Variants in ACACB observed in about 807,000 individuals in gnomAD.
ACACB encodes the protein acetyl-CoA carboxylase beta.
In ACACB, 209 loss-of-function variants were observed where a neutral mutation model predicts 278.8. The observed-to-expected ratio is 0.75, with a 90% CI of 0.67 to 0.84. ACACB has a LOEUF of 0.84. Among genes scored for constraint, ACACB ranks in the 40% least tolerant of loss-of-function variants. The pLI is 0.00. For synonymous variants in ACACB, 1,174 were observed against 1,285.6 expected (o/e 0.91, Z 1.86); for missense variants, 2,850 against 3,269.0 (o/e 0.87, Z 3.13).
chr12:109,206,237 C>A (rs2045503937), intron 19 of ACACB, among the ~76,000 whole-genome samples: 1 of 151,984 alleles, frequency 6.6e-6, no homozygotes, highest in African/African-American at 2.4e-5. Flanking sequence ...AGATCAAGAC[C>A]ATCCTGGCCA....
intron 13 of ACACB, 51 bp downstream of exon 13, chr12:109,188,213 C>G: frequency 2.8e-6 from 4 of 1,415,278 alleles, no homozygotes; most frequent in Non-Finnish European, 3.9e-6. Context: ...TTCCTTCCTT[C>G]CTTCCTTCCT....
At chr12:109,168,225 A>C (rs1487842895) in intron 4 of ACACB, among the ~76,000 whole-genome samples, 191 bp downstream of exon 4, 1 of 152,226 alleles carries the variant, frequency 6.6e-6, no homozygotes, top group East Asian at 1.9e-4. Context: ...CATGTGCCTT[A>C]CAAAAATGCA....
rs1412786797 is a variant in ACACB, at chr12:109,242,555, C to T, written c.5141C>T (p.Thr1714Ile). ...AKRFQAQTLG[T>I]TYIYDFPEMF... ...CGATTCCAGGCCCAGACCCTGGGAA[C>T]CACCTACATCTATGACTTCCCGGAA... Residue 1714 changes from threonine (T) to isoleucine (I), a missense_variant, in exon 37 of 53, where the codon ACC (threonine) becomes ATC (isoleucine). Around this residue, in one of 3 missense-constraint regions of ACACB, gnomAD observed 2,265 missense variants for 2,561.3 expected, o/e 0.88. Coordinates refer to ENST00000338432, the MANE Select transcript of ACACB (RefSeq NM_001093.4). 1 of 1,614,042 alleles carries T rather than the reference C, an allele frequency of 6.2e-7. No individual in the cohort carries two copies. The highest frequency in any genetic ancestry group is 2.2e-5 in the East Asian group (1 of 44,896).
rs372053398 is a variant in ACACB, at chr12:109,221,894, T to TTTG, written c.3565-613_3565-612insTTG. Among the ~76,000 whole-genome samples the TTTG allele has an allele frequency of 5.8e-4, 75 of 128,298 alleles. 2 individuals carry two copies. The highest frequency in any genetic ancestry group is 1.8e-3 in the African/African-American group (57 of 31,998). The allele number at this position is 128,298 out of a possible 152,430, so 84.2% of individuals were successfully genotyped here. A position where few individuals can be genotyped will look rare whatever the true frequency, so the allele number is the denominator to read the frequency against. On this transcript the variant is annotated intron_variant, in intron 24 of 52. Coordinates refer to ENST00000338432, the MANE Select transcript of ACACB (RefSeq NM_001093.4). The stretch of plus-strand genomic sequence containing the variant: ...AATCACTGACCTTTTTTTTTTTTTT[T>TTTG]GGGGGGGAGACAGAGTCTGGCTCTG...
intron 39 of ACACB, among the ~76,000 whole-genome samples, chr12:109,247,040 C>G (rs773013874): frequency 2.0e-5 from 3 of 152,060 alleles, no homozygotes; most frequent in Non-Finnish European, 4.4e-5. Context: ...GATCATCATA[C>G]CACTGCACTC....
chr12:109,200,927 C>T (rs891921101), intron 18 of ACACB, among the ~76,000 whole-genome samples: 1 of 152,166 alleles, frequency 6.6e-6, no homozygotes, highest in African/African-American at 2.4e-5. Context: ...AGGAGGGGAG[C>T]CACTTCTGAA....
At chr12:109,144,021 A>T (rs887492578) in intron 2 of ACACB, among the ~76,000 whole-genome samples, 16 of 152,046 alleles carry the variant, frequency 1.1e-4, no homozygotes, top group African/African-American at 3.9e-4. Context: ...AAAAATAAAA[A>T]ATAAAATGAG....
intron 1 of ACACB, among the ~76,000 whole-genome samples, chr12:109,124,763 A>G (rs2042636928): frequency 6.6e-6 from 1 of 152,132 alleles, no homozygotes. Flanking sequence ...CATCCAGGCT[A>G]GAGTGCAGTG....
intron 1 of ACACB, among the ~76,000 whole-genome samples, chr12:109,136,088 G>C (rs1161533597): frequency 6.6e-6 from 1 of 152,180 alleles, no homozygotes; most frequent in African/African-American, 2.4e-5. Flanking sequence ...TGGGATTACA[G>C]GCATGAGCCA....
chr12:109,191,914 G>C lies in ACACB; in HGVS notation c.2363G>C (p.Arg788Thr). ...TTGAACGTGGCCGATGCGATGTTCA[G>C]AACGTGCATGACAGATTTCTTACAC... Reference protein sequence around the residue: ...GALNVADAMFRTCMTDFLHSL... With the variant: ...GALNVADAMFTTCMTDFLHSL... Residue 788 changes from arginine to threonine, a missense_variant, in exon 15 of 53, where the codon AGA becomes ACA. Arg to Thr is a moderately conservative substitution (Grantham distance 71). Coordinates refer to ENST00000338432, the MANE Select transcript of ACACB (RefSeq NM_001093.4). The C allele has an allele frequency of 6.2e-7, 1 of 1,614,196 alleles. No individual in the cohort carries two copies. Among genetic ancestry groups the C allele is most frequent in the Non-Finnish European group, 8.5e-7 (1 of 1,180,038 alleles).
intron 1 of ACACB, among the ~76,000 whole-genome samples, chr12:109,133,863 ATTTT>A (rs67896522): frequency 8.9e-4 from 63 of 70,414 alleles, no homozygotes; most frequent in South Asian, 1.8e-3. Context: ...ATATATATAT[ATTTT>A]TTTTTTTTTT....
At chr12:109,204,794 C>A (rs1426478839) in intron 19 of ACACB, among the ~76,000 whole-genome samples, 2 of 152,160 alleles carry the variant, frequency 1.3e-5, no homozygotes, top group South Asian at 4.2e-4. Flanking sequence ...TAATATCCTC[C>A]AGTTCCATCC....
At chr12:109,127,831 G>A (rs767293710) in intron 1 of ACACB, among the ~76,000 whole-genome samples, 2 of 152,022 alleles carry the variant, frequency 1.3e-5, no homozygotes, top group Admixed American at 6.6e-5. Context: ...CTTACAGTTC[G>A]CAGGGAGGGT....
chr12:109,177,220 T>C (rs1188148264), intron 9 of ACACB, among the ~76,000 whole-genome samples: 3 of 152,268 alleles, frequency 2.0e-5, no homozygotes, highest in African/African-American at 7.2e-5. Context: ...TTACTCAATA[T>C]TTTATGTGTG....
chr12:109,230,173 C>T (rs2046427568), intron 28 of ACACB, among the ~76,000 whole-genome samples: 1 of 152,106 alleles, frequency 6.6e-6, no homozygotes, highest in Non-Finnish European at 1.5e-5. Context: ...CTTTCTTTTC[C>T]TGTTGGTTTT....
chr12:109,244,450 G>A (rs567370806), intron 37 of ACACB, among the ~76,000 whole-genome samples: 1 of 152,258 alleles, frequency 6.6e-6, no homozygotes, highest in Non-Finnish European at 1.5e-5. Context: ...TATTCAGTGG[G>A]CGCTTAATAA....
intron 47 of ACACB, among the ~76,000 whole-genome samples, chr12:109,259,501 T>C (rs1490937611): frequency 6.6e-6 from 1 of 150,874 alleles, no homozygotes; most frequent in Admixed American, 6.6e-5. Flanking sequence ...GTGGGAGGAT[T>C]GCTTGAGCCC....
At chr12:109,152,640 C>CTTTCTTT (rs1292930727) in intron 2 of ACACB, among the ~76,000 whole-genome samples, 8 of 74,868 alleles carry the variant, frequency 1.1e-4, no homozygotes, top group African/African-American at 1.4e-4. Flanking sequence ...TTCTTTCTTT[C>CTTTCTTT]TTTTTTTTTT....
rs1426293977 is a variant in ACACB, at chr12:109,201,600, G to A, written c.2812G>A (p.Glu938Lys). The A allele has an allele frequency of 6.2e-7, 1 of 1,614,188 alleles. No individual in the cohort carries two copies. The highest frequency in any genetic ancestry group is 1.1e-5 in the South Asian group (1 of 91,076). The change falls in exon 19 of 53, where the codon GAA becomes AAA. Residue 938 changes from glutamate (E) to lysine (K), a missense_variant. Physicochemically the swap from Glu to Lys is moderately conservative, Grantham distance 56 (BLOSUM62 1). Transcript: ENST00000338432. ...MKMIMTLNVQ[E>K]RGRVKYIKRP... ...GATGATCATGACCCTGAACGTTCAG[G>A]AAAGAGGCCGGGTGAAGTACATCAA...
Sources: allele counts gnomAD v4.1 joint callset (sites outside exome capture counted in the v4.1 genomes callset), GRCh38; gene constraint gnomAD v4.1.1; regional missense constraint gnomAD v4.1.1; transcripts MANE v1.5; gene names NCBI Gene and HGNC (gene_info 2026-07-23, HGNC 2026-07-21).